Variants in TRIO observed in about 807,000 individuals in gnomAD.
TRIO encodes trio Rho guanine nucleotide exchange factor.
In TRIO, 58 loss-of-function variants were observed where a neutral mutation model predicts 351.9. That is an observed-to-expected ratio of 0.16 (90% CI 0.13 to 0.21). The LOEUF is 0.21. TRIO is among the 10% of genes least tolerant of loss of function. TRIO has a pLI of 1.00. For missense variants in TRIO, 3,201 were observed against 4,027.8 expected (o/e 0.79, Z 5.56); for synonymous variants, 1,758 against 1,595.7 (o/e 1.10, Z -2.42).
Position 14,291,202 on chromosome 5 carries a change from A to G in TRIO, c.1027A>G (p.Arg343Gly). Reference protein sequence around the residue: ...KLKLDQCFQLRLFEQDAEKMF... With the variant: ...KLKLDQCFQLGLFEQDAEKMF... The stretch of plus-strand genomic sequence containing the variant: ...GAAGCTGGACCAGTGCTTCCAGCTG[A>G]GGCTGTTTGAACAGGATGCTGAGAA... The change falls in exon 5 of 57, where the codon AGG becomes GGG. Residue 343 changes from arginine (R) to glycine (G), a missense_variant. By Grantham distance (125) the Arg-to-Gly change is moderately radical. Around this residue, in one of 19 missense-constraint regions of TRIO, gnomAD observed 349 missense variants for 449.3 expected, o/e 0.78. Coordinates refer to ENST00000344204, the MANE Select transcript of TRIO (RefSeq NM_007118.4). 1 of 1,613,978 alleles carries G rather than the reference A, an allele frequency of 6.2e-7. No individual in the cohort carries two copies. Among genetic ancestry groups the G allele is most frequent in the Non-Finnish European group, 8.5e-7 (1 of 1,179,922 alleles).
At chr5:14,498,827 C>T (rs1757078454) in intron 53 of TRIO, 187 bp downstream of exon 53, 6 of 767,304 alleles carry the variant, frequency 7.8e-6, no homozygotes, top group Non-Finnish European at 1.2e-5. Context: ...AGGAGAGTGA[C>T]CTCTCGGCAC....
At chr5:14,333,118 A>G (rs1302046208) in intron 10 of TRIO, among the ~76,000 whole-genome samples, 1 of 152,138 alleles carries the variant, frequency 6.6e-6, no homozygotes, top group Non-Finnish European at 1.5e-5. Context: ...GGAAAGCAGC[A>G]CCAGAGGATG....
At chr5:14,251,534 C>T (rs2152247814) in intron 1 of TRIO, among the ~76,000 whole-genome samples, 2 of 152,350 alleles carry the variant, frequency 1.3e-5, no homozygotes, top group East Asian at 1.9e-4. Context: ...GCATCTGTTC[C>T]TCCCTCTCCA....
intron 34 of TRIO, among the ~76,000 whole-genome samples, chr5:14,452,175 C>A (rs752407369): frequency 6.6e-6 from 1 of 152,232 alleles, no homozygotes; most frequent in Non-Finnish European, 1.5e-5. Flanking sequence ...CCCTGGCTGT[C>A]CAAGGAGGCC....
intron 1 of TRIO, among the ~76,000 whole-genome samples, chr5:14,171,999 A>G (rs32573): frequency 0.25 from 38,268 of 152,178 alleles, 5,337 homozygotes; most frequent in East Asian, 0.47. Flanking sequence ...AAAGAATTAC[A>G]TACACCTGCA....
intron 3 of TRIO, among the ~76,000 whole-genome samples, chr5:14,284,112 G>T (rs979515783): frequency 7.9e-5 from 12 of 152,068 alleles, no homozygotes; most frequent in African/African-American, 2.9e-4. Context: ...ACTCACATAA[G>T]AAGATACTTT....
chr5:14,273,516 G>T (rs1735216436), intron 2 of TRIO, among the ~76,000 whole-genome samples: 1 of 152,216 alleles, frequency 6.6e-6, no homozygotes, highest in Non-Finnish European at 1.5e-5. Context: ...CCAAAATTCA[G>T]ATGTTGCCAG....
In TRIO at chr5:14,336,553, G is replaced by A. The variant is rs772073256; in HGVS notation, c.1872G>A (p.Ala624=). ...TTGTGCAGAACACATACACCAATGC[G>A]GATAAATTACTGGAAGCAGCAGAAC... ...EEVAQNTYTN[A]DKLLEAAEQL... The change falls in exon 11 of 57, where the codon GCG becomes GCA. Residue 624 remains alanine (A), a synonymous_variant. Transcript: ENST00000344204. 1.7e-5 allele frequency: 28 copies of A among 1,613,990 alleles called. No individual in the cohort carries two copies. The highest frequency in any genetic ancestry group is 4.0e-5 in the African/African-American group (3 of 74,892).
At chr5:14,345,228 T>C (rs900623216) in intron 11 of TRIO, among the ~76,000 whole-genome samples, 4 of 152,236 alleles carry the variant, frequency 2.6e-5, no homozygotes, top group Admixed American at 1.3e-4. Context: ...TTAGAAGTTA[T>C]TGTGGAAGAT....
intron 1 of TRIO, among the ~76,000 whole-genome samples, chr5:14,172,354 A>G (rs1789148955): frequency 1.3e-5 from 2 of 152,220 alleles, no homozygotes; most frequent in African/African-American, 2.4e-5. Flanking sequence ...GAAATTGACT[A>G]AAGTTCCAAA....
chr5:14,159,803 G>A (rs536768877), intron 1 of TRIO, among the ~76,000 whole-genome samples: 1 of 152,128 alleles, frequency 6.6e-6, no homozygotes, highest in Non-Finnish European at 1.5e-5. Flanking sequence ...TTGACTTCCT[G>A]ATCTGCCCGC....
chr5:14,496,680 CTT>C (rs1038269438), intron 49 of TRIO, among the ~76,000 whole-genome samples, 197 bp from the exon 50 acceptor site: 1 of 152,154 alleles, frequency 6.6e-6, no homozygotes, highest in Non-Finnish European at 1.5e-5. Flanking sequence ...CATCCTCAAA[CTT>C]TAAGAGATTG....
chr5:14,363,295 C>T (rs1744313029), intron 13 of TRIO, among the ~76,000 whole-genome samples: 1 of 152,162 alleles, frequency 6.6e-6, no homozygotes, highest in African/African-American at 2.4e-5. Flanking sequence ...CCACCACCCC[C>T]AGCCGATTTA....
chr5:14,356,180 A>G (rs996321286), intron 11 of TRIO, among the ~76,000 whole-genome samples: 3 of 152,252 alleles, frequency 2.0e-5, no homozygotes, highest in African/African-American at 7.2e-5. Flanking sequence ...CTGACCTGCA[A>G]ATAACAATAA....
chr5:14,163,986 A>G (rs1788623223), intron 1 of TRIO, among the ~76,000 whole-genome samples: 1 of 152,178 alleles, frequency 6.6e-6, no homozygotes, highest in Admixed American at 6.5e-5. Flanking sequence ...GTGTGTTTTA[A>G]CTGAATCCAG....
intron 34 of TRIO, among the ~76,000 whole-genome samples, chr5:14,424,982 C>T (rs544633730): frequency 3.3e-5 from 5 of 152,212 alleles, no homozygotes; most frequent in Non-Finnish European, 7.3e-5. Flanking sequence ...CTCCCACCAT[C>T]TCCCCACTTG....
Position 14,192,697 on chromosome 5 carries a change from C to G in TRIO, c.157+48815C>G, listed in dbSNP as rs1790531225. 2.6e-5 allele frequency among the ~76,000 whole-genome samples: 4 copies of G among 152,186 alleles called. No homozygotes were observed. The South Asian group carries it at 8.3e-4, about 32-fold the overall frequency. On this transcript the variant is annotated intron_variant, in intron 1 of 56. Coordinates refer to ENST00000344204, the MANE Select transcript of TRIO (RefSeq NM_007118.4). ...GGTCAAGAATACAAGAGAGGAAGGTCTGCTTAATAAGTGGAGTACATTAAC... is the reference window on the plus strand; with the variant it reads ...GGTCAAGAATACAAGAGAGGAAGGTGTGCTTAATAAGTGGAGTACATTAAC...
chr5:14,499,513 T>C (rs1757127100), intron 53 of TRIO, among the ~76,000 whole-genome samples: 1 of 152,210 alleles, frequency 6.6e-6, no homozygotes, highest in African/African-American at 2.4e-5. Context: ...GAGCACCCCG[T>C]CTGTAGACAA....
chr5:14,507,412 T>TCG, intron 56 of TRIO, 152 bp downstream of exon 56: 27 of 1,141,084 alleles, frequency 2.4e-5, no homozygotes, highest in Non-Finnish European at 3.2e-5. Context: ...ATTGCTAATC[T>TCG]CTCTCTCTAA....
Sources: gnomAD v4.1 joint callset for allele counts (sites outside exome capture counted in the v4.1 genomes callset) on GRCh38, gnomAD v4.1.1 for gene constraint, gnomAD v4.1.1 regional missense constraint, MANE v1.5 for transcripts, NCBI Gene and HGNC (gene_info 2026-07-23, HGNC 2026-07-21) for gene names.